The following DPP10 variants were observed in gnomAD, a reference collection of about 807,000 sequenced individuals.
The protein encoded by DPP10 is dipeptidyl peptidase like 10.
A neutral mutation model predicts 120.9 loss-of-function variants in DPP10; 33 were observed. That is an observed-to-expected ratio of 0.27 (90% CI 0.21 to 0.37). The LOEUF is 0.37. Ranked by LOEUF, DPP10 falls within the 10% of genes least tolerant of loss-of-function variation. The pLI is 1.00. For synonymous variants in DPP10, 337 were observed against 326.1 expected (o/e 1.03, Z -0.36); for missense variants, 816 against 942.8 (o/e 0.87, Z 1.76).
At chr2:114,840,729 T>C (rs1688089605) in intron 1 of DPP10, among the ~76,000 whole-genome samples, 1 of 152,200 alleles carries the variant, frequency 6.6e-6, no homozygotes, top group Non-Finnish European at 1.5e-5. Flanking sequence ...ACAGAGTATT[T>C]ACACTTTGTG....
chr2:115,784,948 C>A (rs1024168851), intron 17 of DPP10, among the ~76,000 whole-genome samples: 2 of 152,096 alleles, frequency 1.3e-5, no homozygotes, highest in Non-Finnish European at 2.9e-5. Flanking sequence ...TTATAAATAA[C>A]AAATAATGGG....
At chr2:114,950,438 G>T (rs902524677) in intron 1 of DPP10, among the ~76,000 whole-genome samples, 3 of 150,816 alleles carry the variant, frequency 2.0e-5, no homozygotes, top group Non-Finnish European at 4.4e-5. Flanking sequence ...GGGACTACAG[G>T]TTCCCGCCAC....
chr2:115,379,287 GTA>G (rs1439393432), intron 3 of DPP10, among the ~76,000 whole-genome samples: 1 of 152,166 alleles, frequency 6.6e-6, no homozygotes, highest in African/African-American at 2.4e-5. Context: ...TTGGGAGAGT[GTA>G]TGTGTCGAGG....
chr2:115,813,216 CATG>C (rs1409903474), intron 19 of DPP10, among the ~76,000 whole-genome samples: 1 of 146,718 alleles, frequency 6.8e-6, no homozygotes, highest in African/African-American at 2.7e-5. Context: ...CTCCTGACCT[CATG>C]ATCCACCCGC....
intron 24 of DPP10, 48 bp downstream of exon 24, chr2:115,836,794 C>A: frequency 1.3e-6 from 2 of 1,548,422 alleles, no homozygotes; most frequent in South Asian, 1.2e-5. Flanking sequence ...TGACCTTTTA[C>A]AAAGGGATAC....
In DPP10 at chr2:114,533,629, T is replaced by TA. The variant is rs905409776; in HGVS notation, c.60+90800dup. Among the ~76,000 whole-genome samples the TA allele has an allele frequency of 6.0e-5, 9 of 151,086 alleles. No homozygotes were observed. The East Asian group carries it at 7.7e-4, about 13-fold the overall frequency. On this transcript the variant is annotated intron_variant, in intron 1 of 25. Transcript: ENST00000410059. The stretch of plus-strand genomic sequence containing the variant: ...GTACTCCTGAACTAAAAATAAAAAT[T>TA]AAAAAAAAAGAAATGATAAGAGGGA...
intron 1 of DPP10, among the ~76,000 whole-genome samples, chr2:114,806,787 G>A (rs1223509438): frequency 6.6e-6 from 1 of 152,140 alleles, no homozygotes; most frequent in Non-Finnish European, 1.5e-5. Flanking sequence ...CCAACCATTT[G>A]CTTGAGTCAA....
In DPP10 at chr2:115,379,450, T is replaced by G. The variant is rs562011079; in HGVS notation, c.271+35538T>G. On this transcript the variant is annotated intron_variant, in intron 3 of 25. Transcript: ENST00000410059. ...TATTTGATTCTTCTCTCTTTTTTTGTTTATTAGTCTTGCTAGCGGTCTGTC... is the reference window on the plus strand; with the variant it reads ...TATTTGATTCTTCTCTCTTTTTTTGGTTATTAGTCTTGCTAGCGGTCTGTC... Among the ~76,000 whole-genome samples the G allele has an allele frequency of 4.3e-4, 65 of 152,306 alleles. 2 individuals carry two copies. The South Asian group carries it at 0.013, about 31-fold the overall frequency.
intron 3 of DPP10, among the ~76,000 whole-genome samples, chr2:115,432,321 T>G (rs2071068888): frequency 6.6e-6 from 1 of 152,080 alleles, no homozygotes; most frequent in Admixed American, 6.6e-5. Context: ...ACGATGCAAT[T>G]TATTTTAGGA....
intron 19 of DPP10, among the ~76,000 whole-genome samples, chr2:115,794,223 A>T (rs941663733): frequency 1.3e-5 from 2 of 152,226 alleles, no homozygotes; most frequent in African/African-American, 2.4e-5. Context: ...TAGCCAACAG[A>T]ATATGAGCCA....
rs2072474385 is a variant in DPP10 at position 115,445,299 on chromosome 2, AG to A, written c.272-54210del. 1.3e-5 allele frequency among the ~76,000 whole-genome samples: 2 copies of A among 152,238 alleles called. 1 individual carries two copies. Among genetic ancestry groups the A allele is most frequent in the South Asian group, 4.1e-4 (2 of 4,836 alleles). ...TACCAGAAGTGGGGTACTGCTATAA[AG>A]ATAACATGAAAATGTGGAAGCAACT... On this transcript the variant is annotated intron_variant, in intron 3 of 25. Transcript: ENST00000410059.
At chr2:115,405,772 G>C (rs1209641174) in intron 3 of DPP10, among the ~76,000 whole-genome samples, 1 of 152,220 alleles carries the variant, frequency 6.6e-6, no homozygotes, top group Non-Finnish European at 1.5e-5. Context: ...GGGATCCCTT[G>C]AACCATGGCT....
intron 1 of DPP10, among the ~76,000 whole-genome samples, chr2:114,852,279 G>C (rs1256064689): frequency 6.8e-6 from 1 of 146,258 alleles, no homozygotes; most frequent in African/African-American, 2.5e-5. Context: ...CCTTTCAAGA[G>C]AGTTAATGTT....
chr2:115,791,197 C>T lies in DPP10; in HGVS notation c.1630+18C>T, dbSNP rs768604510. ...CGACTATGGTAAAATTTTGTGCATG[C>T]TATGTTATTCAAGAACAACTTTCTC... On this transcript the variant is annotated intron_variant, in intron 18 of 25. Transcript: ENST00000410059. The T allele has an allele frequency of 1.2e-6, 2 of 1,608,140 alleles. No individual in the cohort carries two copies. The highest frequency in any genetic ancestry group is 1.7e-6 in the Non-Finnish European group (2 of 1,176,260).
intron 5 of DPP10, among the ~76,000 whole-genome samples, chr2:115,683,698 A>T (rs1233520661): frequency 6.6e-6 from 1 of 151,818 alleles, no homozygotes; most frequent in African/African-American, 2.4e-5. Flanking sequence ...AAAATAAAAA[A>T]CCTGAATTTT....
chr2:115,707,519 T>C (rs527800526), intron 7 of DPP10, among the ~76,000 whole-genome samples: 47 of 151,684 alleles, frequency 3.1e-4, no homozygotes, highest in Non-Finnish European at 6.2e-4. Context: ...TATAGTATTA[T>C]ACATCTAGTG....
chr2:115,073,878 T>A (rs1456895661), intron 1 of DPP10, among the ~76,000 whole-genome samples: 2 of 152,246 alleles, frequency 1.3e-5, no homozygotes, highest in Non-Finnish European at 2.9e-5. Flanking sequence ...TTTTTTATAC[T>A]CATTTGTGCT....
At chr2:114,910,979 A>G (rs544465237) in intron 1 of DPP10, among the ~76,000 whole-genome samples, 97 of 152,250 alleles carry the variant, frequency 6.4e-4, no homozygotes, top group African/African-American at 2.3e-3. Flanking sequence ...TATCCCCACT[A>G]TATCTAAACA....
intron 5 of DPP10, among the ~76,000 whole-genome samples, chr2:115,542,662 T>TGA (rs745950516): frequency 2.7e-5 from 4 of 150,742 alleles, no homozygotes; most frequent in Non-Finnish European, 5.9e-5. Context: ...GCCTGAGCAG[T>TGA]GAGAGAGAGC....
Sources: allele counts gnomAD v4.1 joint callset (sites outside exome capture counted in the v4.1 genomes callset), GRCh38; gene constraint gnomAD v4.1.1; transcripts MANE v1.5; gene names NCBI Gene and HGNC (gene_info 2026-07-23, HGNC 2026-07-21).